ALG6: variants seen among roughly 807,000 people sequenced by gnomAD.
ALG6 encodes dolichyl pyrophosphate Man9GlcNAc2 alpha-1,3-glucosyltransferase.
Under a neutral mutation model 66.6 loss-of-function variants are expected in ALG6, and 46 were observed. That is an observed-to-expected ratio of 0.69 (90% CI 0.55 to 0.88). ALG6 has a LOEUF of 0.88. ALG6 is among the 40% of genes least tolerant of loss of function. The probability of loss-of-function intolerance (pLI) is 0.00; values close to 1 mark genes in which losing one functional copy is unlikely to be tolerated. For synonymous variants in ALG6, 185 were observed against 203.7 expected, an observed-to-expected ratio of 0.91 and a Z score of 0.78; for missense variants, 505 against 586.8, an observed-to-expected ratio of 0.86 and a Z score of 1.44.
intron 2 of ALG6, among the ~76,000 whole-genome samples, chr1:63,379,345 A>G (rs1198998019): frequency 2.0e-5 from 3 of 152,278 alleles, no homozygotes; most frequent in African/African-American, 4.8e-5. Context: ...TCAGGCCCCA[A>G]CCTGGGCAAA....
chr1:63,409,891 A>G (rs184600898), intron 7 of ALG6, among the ~76,000 whole-genome samples: 2 of 152,282 alleles, frequency 1.3e-5, no homozygotes, highest in African/African-American at 4.8e-5. Context: ...TGGATAGTTT[A>G]GTTCATTTCT....
intron 2 of ALG6, among the ~76,000 whole-genome samples, chr1:63,382,098 T>A (rs1223686060): frequency 6.6e-6 from 1 of 151,976 alleles, no homozygotes; most frequent in African/African-American, 2.4e-5. Context: ...AAAAGTTTTT[T>A]TGCTTTTAAT....
chr1:63,392,473 A>G (rs1237785192), intron 2 of ALG6, among the ~76,000 whole-genome samples: 1 of 152,132 alleles, frequency 6.6e-6, no homozygotes, highest in Non-Finnish European at 1.5e-5. Context: ...ACCCTGCCAA[A>G]AGGAAGATTT....
chr1:63,411,192 A>G lies in ALG6; in HGVS notation c.541A>G (p.Ile181Val), dbSNP rs2100420816. 6.2e-7 allele frequency: 1 copy of G among 1,613,840 alleles called. No individual in the cohort carries two copies. The highest frequency in any genetic ancestry group is 8.5e-7 in the Non-Finnish European group (1 of 1,179,858). Residue 181 changes from isoleucine to valine, a missense_variant, in exon 8 of 15, where the codon ATA becomes GTA. Coordinates refer to ENST00000263440, the MANE Select transcript of ALG6 (RefSeq NM_013339.4). Reference sequence around the variant, plus strand: ...CTTTGCTTTGTGGGGTGTTCTTGGAATATCTTGTGACTGCGACCTCCTAGG... The same window carrying G: ...CTTTGCTTTGTGGGGTGTTCTTGGAGTATCTTGTGACTGCGACCTCCTAGG... ...LGFALWGVLG[I>V]SCDCDLLGSL...
chr1:63,438,362 C>T lies in ALG6; in HGVS notation c.*1342C>T, dbSNP rs963034187. On this transcript the variant is annotated 3_prime_UTR_variant, in exon 15 of 15. Coordinates refer to ENST00000263440, the MANE Select transcript of ALG6 (RefSeq NM_013339.4). ...TGTCCATGGTCACCATCTGTAATCA[C>T]TGTGCCCAAATGTCAGCATCTTGGC... The T allele has an allele frequency of 6.6e-6, 1 of 152,176 alleles. No homozygotes were observed. Among genetic ancestry groups the T allele is most frequent in the Non-Finnish European group, 1.5e-5 (1 of 68,032 alleles). 9.4% of individuals were successfully genotyped at this position (152,176 alleles called of 1,614,324 possible). A position where few individuals can be genotyped will look rare whatever the true frequency, so the allele number is the denominator to read the frequency against.
intron 9 of ALG6, chr1:63,413,516 G>T (rs1008490841): frequency 6.5e-6 from 1 of 154,104 alleles, no homozygotes; most frequent in Non-Finnish European, 1.4e-5. Flanking sequence ...AAGTCAAGCA[G>T]CTGTGTAGAG....
chr1:63,387,937 A>T (rs986150332), intron 2 of ALG6, among the ~76,000 whole-genome samples: 2 of 152,008 alleles, frequency 1.3e-5, no homozygotes, highest in African/African-American at 4.8e-5. Context: ...TGCATGGAAT[A>T]TCTTTTTCCA....
At chr1:63,388,873 A>C (rs536209007) in intron 2 of ALG6, among the ~76,000 whole-genome samples, 10 of 151,660 alleles carry the variant, frequency 6.6e-5, no homozygotes, top group African/African-American at 2.4e-4. Flanking sequence ...TTTTTCCTTC[A>C]GTACTTTAAA....
chr1:63,367,849 G>A (rs1286844327), intron 1 of ALG6, among the ~76,000 whole-genome samples, 162 bp downstream of exon 1: 1 of 152,210 alleles, frequency 6.6e-6, no homozygotes, highest in Non-Finnish European at 1.5e-5. Flanking sequence ...TTCCTGCAGG[G>A]TCGCTTGTGG....
intron 12 of ALG6, among the ~76,000 whole-genome samples, chr1:63,419,827 T>C (rs957915620): frequency 6.7e-6 from 1 of 149,552 alleles, no homozygotes; most frequent in Non-Finnish European, 1.5e-5. Context: ...ATGGGGTCTT[T>C]TGTATGTTGC....
rs387906338 is a variant in ALG6, at chr1:63,414,136, TTAA to T, written c.897_899del (p.Ile299del). ...GGATATTTTGCCACGTCACATCCAATTAATAATGAGGTAAGAGAAACAAAGTTT... is the reference window on the plus strand; with the variant it reads ...GGATATTTTGCCACGTCACATCCAATTAATGAGGTAAGAGAAACAAAGTTT... On this transcript the variant is annotated inframe_deletion, in exon 10 of 15. Transcript: ENST00000263440. 2.7e-5 allele frequency: 43 copies of T among 1,606,420 alleles called. No individual in the cohort carries two copies. The highest frequency in any genetic ancestry group is 3.6e-5 in the Non-Finnish European group (42 of 1,173,262).
intron 2 of ALG6, among the ~76,000 whole-genome samples, chr1:63,382,646 TTTTTG>T (rs1244009193): frequency 3.6e-4 from 8 of 22,222 alleles, no homozygotes; most frequent in African/African-American, 3.3e-3. Context: ...GCTAAGTTTT[TTTTTG>T]TTTGTTTTTT....
intron 2 of ALG6, among the ~76,000 whole-genome samples, chr1:63,380,700 A>C (rs1229635499): frequency 6.6e-6 from 1 of 152,198 alleles, no homozygotes; most frequent in African/African-American, 2.4e-5. Flanking sequence ...TCAAATGCTT[A>C]ATGGGAATTC....
At chr1:63,424,940 G>A (rs1028316556) in intron 12 of ALG6, among the ~76,000 whole-genome samples, 42 of 151,846 alleles carry the variant, frequency 2.8e-4, no homozygotes, top group Admixed American at 3.9e-4. Context: ...CACAACAGCT[G>A]GCTAATTTTT....
At chr1:63,376,613 T>A (rs942374864) in intron 2 of ALG6, among the ~76,000 whole-genome samples, 7 of 152,214 alleles carry the variant, frequency 4.6e-5, no homozygotes, top group Non-Finnish European at 7.3e-5. Context: ...TAAAATTTTT[T>A]AAATATTTAG....
chr1:63,427,167 ATT>A (rs534868219), intron 12 of ALG6, among the ~76,000 whole-genome samples: 18,100 of 134,092 alleles, frequency 0.13, 1,062 homozygotes, highest in Middle Eastern at 0.23. Flanking sequence ...TGTCCAGCTA[ATT>A]TTTTTTTTTT....
intron 4 of ALG6, among the ~76,000 whole-genome samples, chr1:63,403,524 C>A (rs902491148): frequency 3.3e-5 from 5 of 152,152 alleles, no homozygotes; most frequent in Admixed American, 6.5e-5. Context: ...ATTTGAGGAA[C>A]CTCTTCACAA....
chr1:63,424,369 G>A (rs1033464822), intron 12 of ALG6, among the ~76,000 whole-genome samples: 1 of 152,126 alleles, frequency 6.6e-6, no homozygotes, highest in Non-Finnish European at 1.5e-5. Context: ...TTGAACTCCT[G>A]ACCTCGTGAT....
At chr1:63,389,886 A>G (rs1218253221) in intron 2 of ALG6, among the ~76,000 whole-genome samples, 1 of 152,198 alleles carries the variant, frequency 6.6e-6, no homozygotes, top group Non-Finnish European at 1.5e-5. Flanking sequence ...TCTTTGGATT[A>G]CCAGACAAAG....
Sources: gnomAD v4.1 joint callset for allele counts (sites outside exome capture counted in the v4.1 genomes callset) on GRCh38, gnomAD v4.1.1 for gene constraint, MANE v1.5 for transcripts, NCBI Gene and HGNC (gene_info 2026-07-23, HGNC 2026-07-21) for gene names.